APBB2: variants seen among roughly 807,000 people sequenced by gnomAD.
APBB2 encodes the protein Fe65-like 1.
APBB2 carries 38 observed loss-of-function variants against 82.5 expected under a neutral mutation model. That is an observed-to-expected ratio of 0.46 (90% CI 0.36 to 0.60). The LOEUF (loss-of-function observed/expected upper bound fraction) is 0.60. Among genes scored for constraint, APBB2 ranks in the 20% least tolerant of loss-of-function variants. The pLI is 0.00. For missense variants in APBB2, 772 were observed against 972.3 expected, an observed-to-expected ratio of 0.79 and a Z score of 2.74; for synonymous variants, 341 against 368.2, an observed-to-expected ratio of 0.93 and a Z score of 0.85.
chr4:40,929,440 C>G (rs1783521229), intron 10 of APBB2, among the ~76,000 whole-genome samples: 1 of 152,188 alleles, frequency 6.6e-6, no homozygotes, highest in Non-Finnish European at 1.5e-5. Flanking sequence ...GCTGGCACTA[C>G]AGGCACCCAC....
chr4:40,944,009 T>A (rs1422928593), intron 7 of APBB2, among the ~76,000 whole-genome samples: 2 of 152,246 alleles, frequency 1.3e-5, no homozygotes, highest in Admixed American at 1.3e-4. Flanking sequence ...AAGGGTGATA[T>A]CTATTGCAAA....
intron 6 of APBB2, among the ~76,000 whole-genome samples, chr4:40,977,924 G>A (rs540962257): frequency 6.6e-6 from 1 of 152,338 alleles, no homozygotes; most frequent in South Asian, 2.1e-4. Flanking sequence ...CAAGGCTCAG[G>A]AGGGTGTGAC....
chr4:40,824,230 G>C (rs1444473482), intron 15 of APBB2, among the ~76,000 whole-genome samples: 2 of 151,994 alleles, frequency 1.3e-5, no homozygotes, highest in African/African-American at 4.8e-5. Flanking sequence ...AGAAGCTCCG[G>C]GGACCTGGTG....
chr4:40,974,680 T>G (rs138290436), intron 6 of APBB2, among the ~76,000 whole-genome samples: 13 of 152,300 alleles, frequency 8.5e-5, no homozygotes, highest in African/African-American at 3.1e-4. Flanking sequence ...TCTGGAGAAG[T>G]AAACCTCTTT....
chr4:41,108,735 C>G (rs930422277), intron 2 of APBB2, among the ~76,000 whole-genome samples: 1 of 152,222 alleles, frequency 6.6e-6, no homozygotes, highest in Non-Finnish European at 1.5e-5. Context: ...GTCTGACACA[C>G]GCACCCAGGC....
chr4:41,035,209 G>C (rs1478081129), intron 4 of APBB2, among the ~76,000 whole-genome samples: 1 of 152,180 alleles, frequency 6.6e-6, no homozygotes, highest in Non-Finnish European at 1.5e-5. Flanking sequence ...CTTTATATTT[G>C]CAAAAGCTCT....
chr4:40,923,563 C>T (rs1781865257), intron 10 of APBB2, among the ~76,000 whole-genome samples: 1 of 152,206 alleles, frequency 6.6e-6, no homozygotes, highest in Non-Finnish European at 1.5e-5. Flanking sequence ...GTGCCAAGAA[C>T]CCACCAGGCC....
At chr4:40,901,917 G>A (rs1167774326) in intron 10 of APBB2, among the ~76,000 whole-genome samples, 3 of 150,816 alleles carry the variant, frequency 2.0e-5, no homozygotes, top group Non-Finnish European at 4.4e-5. Flanking sequence ...TTATGTGTGT[G>A]TGTGTGTGTG....
chr4:40,873,081 C>G (rs1194951015), intron 12 of APBB2, among the ~76,000 whole-genome samples: 1 of 136,214 alleles, frequency 7.3e-6, no homozygotes, highest in Non-Finnish European at 1.6e-5. Flanking sequence ...GAGTGAGACT[C>G]CATCTCAAAA....
chr4:40,862,856 CAA>C (rs34255688), intron 12 of APBB2, among the ~76,000 whole-genome samples: 47,745 of 118,396 alleles, frequency 0.4, 8,528 homozygotes, highest in African/African-American at 0.51. Context: ...GACTCCATCT[CAA>C]AAAAAAAAAA....
intron 4 of APBB2, among the ~76,000 whole-genome samples, chr4:41,034,255 T>C (rs1247955945): frequency 6.6e-6 from 1 of 152,136 alleles, no homozygotes; most frequent in Admixed American, 6.5e-5. Flanking sequence ...AATACACCCA[T>C]ACAATGAAGT....
At chr4:40,938,145 C>T (rs6830249) in intron 7 of APBB2, among the ~76,000 whole-genome samples, 3,307 of 152,358 alleles carry the variant, frequency 0.022, 58 homozygotes, top group South Asian at 0.041. Flanking sequence ...CCTGGTAACC[C>T]TCCAGGCAAT....
intron 2 of APBB2, among the ~76,000 whole-genome samples, chr4:41,111,214 C>A (rs1749097443): frequency 6.6e-6 from 1 of 152,262 alleles, no homozygotes; most frequent in Non-Finnish European, 1.5e-5. Context: ...TCCTCACTCA[C>A]CTGCCACTCA....
chr4:41,154,738 T>C (rs1224283065), intron 1 of APBB2, among the ~76,000 whole-genome samples: 1 of 152,208 alleles, frequency 6.6e-6, no homozygotes, highest in Non-Finnish European at 1.5e-5. Context: ...ATTTTTCCCA[T>C]ATTGAGTGTT....
At chr4:40,994,920 A>G (rs1032450848) in intron 6 of APBB2, among the ~76,000 whole-genome samples, 5 of 151,936 alleles carry the variant, frequency 3.3e-5, no homozygotes, top group African/African-American at 9.7e-5. Context: ...ATATTACTGT[A>G]TCTTAAGAAA....
chr4:40,965,070 A>T (rs921227626), intron 6 of APBB2, among the ~76,000 whole-genome samples: 148 of 152,008 alleles, frequency 9.7e-4, no homozygotes, highest in African/African-American at 3.4e-3. Flanking sequence ...CAGTGAGATG[A>T]TATCACTCCA....
At chr4:41,126,110 T>TG (rs1417691650) in intron 2 of APBB2, among the ~76,000 whole-genome samples, 2 of 151,472 alleles carry the variant, frequency 1.3e-5, no homozygotes, top group African/African-American at 4.9e-5. Flanking sequence ...CCAGGCACAG[T>TG]GGTTCACACC....
At chr4:41,017,928 C>T (rs1164422184) in intron 5 of APBB2, among the ~76,000 whole-genome samples, 1 of 152,178 alleles carries the variant, frequency 6.6e-6, no homozygotes. Flanking sequence ...TTTAAACCTT[C>T]TAATATTTAA....
At chr4:40,965,599 AATG>A (rs1007268125) in intron 6 of APBB2, among the ~76,000 whole-genome samples, 73 of 152,360 alleles carry the variant, frequency 4.8e-4, no homozygotes, top group African/African-American at 1.5e-3. Flanking sequence ...TCTATGTCAA[AATG>A]ATATTTTTTA....
Sources: allele counts gnomAD v4.1 joint callset (sites outside exome capture counted in the v4.1 genomes callset), GRCh38; gene constraint gnomAD v4.1.1; transcripts MANE v1.5; gene names NCBI Gene and HGNC (gene_info 2026-07-23, HGNC 2026-07-21).